Variants in KBTBD12 observed in about 807,000 individuals in gnomAD.
The protein encoded by KBTBD12 is kelch repeat and BTB domain containing 12, also known as kelch repeat and BTB domain-containing protein 12.
KBTBD12 carries 53 observed loss-of-function variants against 58.7 expected under a neutral mutation model. The ratio of observed to expected loss-of-function variants is 0.90; its 90% CI spans 0.72 to 1.14. The LOEUF (loss-of-function observed/expected upper bound fraction) is 1.14. KBTBD12 is among the 50% of genes most tolerant of loss of function. The probability of loss-of-function intolerance (pLI) is 0.00; values close to 1 mark genes in which losing one functional copy is unlikely to be tolerated. For missense variants in KBTBD12, 704 were observed against 751.3 expected, an observed-to-expected ratio of 0.94 and a Z score of 0.74; for synonymous variants, 236 against 259.8, an observed-to-expected ratio of 0.91 and a Z score of 0.88.
rs148100613 is a variant in KBTBD12, at chr3:127,943,409, T to C, written c.1492+13126T>C. On this transcript the variant is annotated intron_variant, in intron 4 of 5. Coordinates refer to ENST00000405109, the MANE Select transcript of KBTBD12 (RefSeq NM_207335.4). ...GTCTCACTGTGGTTTGGATTTGCATTTCCCTATTGATTAGTGATGTTGAGT... is the reference window on the plus strand; with the variant it reads ...GTCTCACTGTGGTTTGGATTTGCATCTCCCTATTGATTAGTGATGTTGAGT... 1.5e-3 allele frequency among the ~76,000 whole-genome samples: 227 copies of C among 152,322 alleles called. 1 individual carries two copies. Among genetic ancestry groups the C allele is most frequent in the African/African-American group, 5.1e-3 (212 of 41,566 alleles).
chr3:127,982,871 C>T (rs536736871), intron 5 of KBTBD12, among the ~76,000 whole-genome samples: 17 of 152,312 alleles, frequency 1.1e-4, no homozygotes, highest in South Asian at 2.1e-4. Flanking sequence ...TCCTAAGCCC[C>T]GCTCACAGCG....
intron 4 of KBTBD12, among the ~76,000 whole-genome samples, chr3:127,930,762 C>CT (rs1559762622): frequency 6.6e-6 from 1 of 152,112 alleles, no homozygotes; most frequent in African/African-American, 2.4e-5. Context: ...TTTGAATGCA[C>CT]TTTTTTCTTA....
At chr3:127,934,482 G>C (rs1939780335) in intron 4 of KBTBD12, among the ~76,000 whole-genome samples, 1 of 152,088 alleles carries the variant, frequency 6.6e-6, no homozygotes, top group African/African-American at 2.4e-5. Flanking sequence ...TGTTTAATGG[G>C]AATCCCAAAA....
At chr3:127,916,718 A>C (rs991296181) in intron 1 of KBTBD12, among the ~76,000 whole-genome samples, 15 of 152,242 alleles carry the variant, frequency 9.9e-5, no homozygotes, top group Non-Finnish European at 1.9e-4. Flanking sequence ...AAAAAAAAAA[A>C]AAAACTGAGC....
intron 4 of KBTBD12, among the ~76,000 whole-genome samples, chr3:127,932,926 G>A (rs905289886): frequency 6.6e-6 from 1 of 152,080 alleles, no homozygotes; most frequent in African/African-American, 2.4e-5. Flanking sequence ...TAGTTGGCTA[G>A]ATATCGAGAC....
At chr3:127,940,091 A>G (rs996208922) in intron 4 of KBTBD12, among the ~76,000 whole-genome samples, 1 of 152,216 alleles carries the variant, frequency 6.6e-6, no homozygotes, top group Non-Finnish European at 1.5e-5. Context: ...ACCTAACAAC[A>G]GAACCAAATT....
intron 4 of KBTBD12, among the ~76,000 whole-genome samples, chr3:127,957,217 C>T (rs1463367852): frequency 6.6e-6 from 1 of 152,132 alleles, no homozygotes; most frequent in African/African-American, 2.4e-5. Flanking sequence ...AATCATTTCA[C>T]TTAGACACAA....
chr3:127,925,379 A>C (rs952759994), intron 2 of KBTBD12, among the ~76,000 whole-genome samples: 8 of 152,136 alleles, frequency 5.3e-5, no homozygotes, highest in African/African-American at 1.9e-4. Context: ...CCAGTTTTAC[A>C]CTTGCTCTTG....
intron 4 of KBTBD12, among the ~76,000 whole-genome samples, chr3:127,944,291 C>T (rs1231390553): frequency 6.6e-6 from 1 of 152,078 alleles, no homozygotes; most frequent in Non-Finnish European, 1.5e-5. Context: ...CACATTTTAA[C>T]AATATTAATT....
At chr3:127,943,046 G>A (rs1370748422) in intron 4 of KBTBD12, among the ~76,000 whole-genome samples, 3 of 152,104 alleles carry the variant, frequency 2.0e-5, no homozygotes, top group Non-Finnish European at 4.4e-5. Flanking sequence ...CATTTATGAA[G>A]GATATGTCTC....
chr3:127,922,667 G>A (rs1939443077), intron 1 of KBTBD12, among the ~76,000 whole-genome samples: 1 of 152,116 alleles, frequency 6.6e-6, no homozygotes, highest in Non-Finnish European at 1.5e-5. Context: ...ATTGCAAAAT[G>A]TGCCCAGCTT....
At chr3:127,922,460 T>G (rs1378349368) in intron 1 of KBTBD12, among the ~76,000 whole-genome samples, 1 of 152,136 alleles carries the variant, frequency 6.6e-6, no homozygotes, top group Non-Finnish European at 1.5e-5. Flanking sequence ...CTTTTTTCAG[T>G]TTTTCCTCTT....
intron 4 of KBTBD12, among the ~76,000 whole-genome samples, chr3:127,944,607 T>C (rs540608167): frequency 6.6e-6 from 1 of 152,350 alleles, no homozygotes; most frequent in South Asian, 2.1e-4. Context: ...TGTAGGATCA[T>C]GTCATCTGCA....
intron 4 of KBTBD12, among the ~76,000 whole-genome samples, chr3:127,942,724 A>G (rs1333247026): frequency 1.3e-5 from 2 of 148,614 alleles, no homozygotes; most frequent in African/African-American, 2.5e-5. Context: ...ATATATAACT[A>G]TAGTCCATCT....
Position 127,979,414 on chromosome 3 carries a change from C to T in KBTBD12, c.1691-4683C>T, listed in dbSNP as rs190722435. ...AAATAGTAACATAAATGGATAAATCCGCAAAATTTGCATGGACTTTTTCAG... is the reference window on the plus strand; with the variant it reads ...AAATAGTAACATAAATGGATAAATCTGCAAAATTTGCATGGACTTTTTCAG... On this transcript the variant is annotated intron_variant, in intron 5 of 5. Transcript: ENST00000405109. Among the ~76,000 whole-genome samples the T allele has an allele frequency of 8.9e-4, 135 of 152,196 alleles. No individual in the cohort carries two copies. In the South Asian group the frequency reaches 0.01, roughly 12 times the overall value.
At chr3:127,922,266 A>G (rs1207791410) in intron 1 of KBTBD12, among the ~76,000 whole-genome samples, 1 of 152,124 alleles carries the variant, frequency 6.6e-6, no homozygotes, top group African/African-American at 2.4e-5. Context: ...GGACAGAGAA[A>G]TCATATAGTT....
intron 4 of KBTBD12, among the ~76,000 whole-genome samples, chr3:127,945,153 AT>A (rs1368793970): frequency 8.9e-6 from 1 of 112,958 alleles, no homozygotes; most frequent in African/African-American, 3.2e-5. Flanking sequence ...TTTTTTAAAA[AT>A]AGTAGCTATC....
At chr3:127,918,762 T>A (rs150460141) in intron 1 of KBTBD12, among the ~76,000 whole-genome samples, 4 of 151,168 alleles carry the variant, frequency 2.6e-5, no homozygotes, top group African/African-American at 9.7e-5. Flanking sequence ...AAGGCCCATA[T>A]GCGTTAGAAC....
At chr3:127,915,747 C>A (rs1214725533) in intron 1 of KBTBD12, among the ~76,000 whole-genome samples, 161 bp downstream of exon 1, 1 of 152,190 alleles carries the variant, frequency 6.6e-6, no homozygotes, top group South Asian at 2.1e-4. Context: ...CGCCTGGCGT[C>A]AGGTGGGGCT....
Sources: allele counts gnomAD v4.1 joint callset (sites outside exome capture counted in the v4.1 genomes callset), GRCh38; gene constraint gnomAD v4.1.1; transcripts MANE v1.5; gene names NCBI Gene and HGNC (gene_info 2026-07-23, HGNC 2026-07-21).